Variants in IRX2 observed in about 807,000 individuals in gnomAD.
The protein encoded by IRX2 is iroquois homeobox 2.
Under a neutral mutation model 42.9 loss-of-function variants are expected in IRX2, and 26 were observed. The observed-to-expected ratio is 0.61, with a 90% CI of 0.44 to 0.84. The LOEUF is 0.84. Ranked by LOEUF, IRX2 falls within the 40% of genes least tolerant of loss-of-function variation. IRX2 has a pLI of 0.00. For synonymous variants in IRX2, 424 were observed against 353.9 expected, an observed-to-expected ratio of 1.20 and a Z score of -2.22; for missense variants, 782 against 713.9, an observed-to-expected ratio of 1.10 and a Z score of -1.09.
At chr5:2,743,517 C>T (rs1425300562), downstream of IRX2, among the ~76,000 whole-genome samples, 1 of 152,072 alleles carries the variant, frequency 6.6e-6, no homozygotes, top group East Asian at 1.9e-4. Flanking sequence ...GCGGATCCAC[C>T]ACGCGGGCGC....
intron 1 of IRX2, among the ~76,000 whole-genome samples, chr5:2,750,634 C>T (rs1425649514): frequency 6.6e-6 from 1 of 152,216 alleles, no homozygotes; most frequent in Admixed American, 6.5e-5. Flanking sequence ...GAAACCTGGG[C>T]GCCTCGGGCC....
chr5:2,748,892 C>CTCCTCGTCGTCG lies in IRX2; in HGVS notation c.804_815dup (p.Asp268_Glu271dup), dbSNP rs759898376. ...TGGGCGGCGCCAGGCCCCGCTCGCCCTCCTCGTCGTCGTCCTCGTCGTCCT... is the reference window on the plus strand; with the variant it reads ...TGGGCGGCGCCAGGCCCCGCTCGCCCTCCTCGTCGTCGTCCTCGTCGTCGTCCTCGTCGTCCT... On this transcript the variant is annotated inframe_insertion, in exon 3 of 4. Transcript: ENST00000302057. The CTCCTCGTCGTCG allele has an allele frequency of 5.6e-6, 9 of 1,595,826 alleles. No homozygotes were observed. In the South Asian group the frequency reaches 8.8e-5, roughly 16 times the overall value.
chr5:2,749,119 C>T (rs1026490659), intron 2 of IRX2, 67 bp from the exon 3 acceptor site: 19 of 1,550,976 alleles, frequency 1.2e-5, no homozygotes, highest in Admixed American at 5.7e-5. Context: ...CCCCTCCGCC[C>T]CCTGTCCTGC....
chr5:2,748,889 G>T lies in IRX2; in HGVS notation c.819C>A (p.Gly273=), dbSNP rs772873470. 3 of 1,595,316 alleles carry T rather than the reference G, an allele frequency of 1.9e-6. No homozygotes were observed. In the South Asian group the frequency reaches 3.3e-5, roughly 18 times the overall value. Residue 273 remains glycine (G), a synonymous_variant, in exon 3 of 4, where the codon GGC becomes GGA. Transcript: ENST00000302057. ...LEDDEDDDEE[G]ERGLAPPKPV... ...GCTTGGGCGGCGCCAGGCCCCGCTC[G>T]CCCTCCTCGTCGTCGTCCTCGTCGT...
chr5:2,748,166 A>AG (rs1371044834), intron 3 of IRX2, among the ~76,000 whole-genome samples, 179 bp downstream of exon 3: 2 of 152,232 alleles, frequency 1.3e-5, no homozygotes, highest in Non-Finnish European at 2.9e-5. Flanking sequence ...GTCTAAAAAG[A>AG]GGGCCACACC....
chr5:2,743,430 C>A (rs933052699), downstream of IRX2, among the ~76,000 whole-genome samples: 3 of 151,742 alleles, frequency 2.0e-5, no homozygotes, highest in Admixed American at 2.0e-4. Flanking sequence ...CCCCCGGGGC[C>A]CACCTGAGAT....
rs1207308633 is a variant in IRX2 at position 2,751,328 on chromosome 5, G to A, written c.86C>T (p.Ala29Val). Residue 29 changes from alanine (A) to valine (V), a missense_variant, in exon 1 of 4, where the codon GCG (alanine) becomes GTG (valine). Physicochemically the swap from Ala to Val is moderately conservative, Grantham distance 64 (BLOSUM62 0). Transcript: ENST00000302057. The surrounding 1 kb of genome is among the most constrained non-coding windows in gnomAD (Gnocchi z 4.0). ...CGCCAGCTCCTCGCTGCGCGGAGCC[G>A]CCAAAGCCGACGCGCCGTAGGCCGG... ...SCPAYGASAL[A>V]APRSEELARS... 2.1e-6 allele frequency: 3 copies of A among 1,438,514 alleles called. No homozygotes were observed. The highest frequency in any genetic ancestry group is 2.6e-5 in the South Asian group (2 of 75,668). 89.1% of individuals were successfully genotyped at this position (1,438,514 alleles called of 1,614,324 possible). A position where few individuals can be genotyped will look rare whatever the true frequency, so the allele number is the denominator to read the frequency against.
downstream of IRX2, among the ~76,000 whole-genome samples, chr5:2,745,412 T>C (rs756437122): frequency 3.9e-5 from 6 of 152,222 alleles, no homozygotes; most frequent in Non-Finnish European, 8.8e-5. Flanking sequence ...CATATAATTT[T>C]GCTGAAAATT....
Position 2,748,799 on chromosome 5 carries a change from C to G in IRX2, c.909G>C (p.Ala303=). 2.8e-6 allele frequency: 4 copies of G among 1,428,192 alleles called. No homozygotes were observed. The highest frequency in any genetic ancestry group is 3.6e-6 in the Non-Finnish European group (4 of 1,104,434). 88.5% of individuals were successfully genotyped at this position (1,428,192 alleles called of 1,614,324 possible). A position where few individuals can be genotyped will look rare whatever the true frequency, so the allele number is the denominator to read the frequency against. The change falls in exon 3 of 4, where the codon GCG becomes GCC. Residue 303 remains alanine, a synonymous_variant. Transcript: ENST00000302057. ...GGGGCGTCTTGCGGCCACCGCGGGG[C>G]GCGGCCTCGGGCGGGGGGCTCAGCA... ...APLLSPPPEA[A]PRGGRKTPQG...
chr5:2,747,717 T>TTTGGG, intron 3 of IRX2, 101 bp from the exon 4 acceptor site: 2 of 1,209,918 alleles, frequency 1.7e-6, no homozygotes, highest in Non-Finnish European at 2.4e-6. Flanking sequence ...CAAACAGCAG[T>TTTGGG]TTGGGAAACC....
At chr5:2,747,934 C>T (rs1737736611) in intron 3 of IRX2, among the ~76,000 whole-genome samples, 1 of 152,084 alleles carries the variant, frequency 6.6e-6, no homozygotes, top group South Asian at 2.1e-4. Flanking sequence ...GACAAAACGC[C>T]TCTGAGAGTA....
At chr5:2,741,976 A>G (rs1050417087), downstream of IRX2, among the ~76,000 whole-genome samples, 1 of 152,204 alleles carries the variant, frequency 6.6e-6, no homozygotes, top group African/African-American at 2.4e-5. Context: ...TCTTCATTGT[A>G]TTAGCAATAC....
rs2111440962 is a variant in IRX2, at chr5:2,746,591, C to A, written c.*973G>T. ...CTATGCCAACAAATTCACATATGTCCAACAATAGTCTGTTCCAATTGTTAG... is the reference window on the plus strand; with the variant it reads ...CTATGCCAACAAATTCACATATGTCAAACAATAGTCTGTTCCAATTGTTAG... On this transcript the variant is annotated 3_prime_UTR_variant, in exon 4 of 4. Coordinates refer to ENST00000302057, the MANE Select transcript of IRX2 (RefSeq NM_033267.5). 1 of 152,658 alleles carries A rather than the reference C, an allele frequency of 6.6e-6. No individual in the cohort carries two copies. The highest frequency in any genetic ancestry group is 1.9e-4 in the East Asian group (1 of 5,184). 9.5% of individuals were successfully genotyped at this position (152,658 alleles called of 1,614,324 possible).
Position 2,747,380 on chromosome 5 carries a change from A to G in IRX2, c.*184T>C, listed in dbSNP as rs1737710495. The G allele has an allele frequency of 1.9e-6, 1 of 533,496 alleles. No individual in the cohort carries two copies. Among genetic ancestry groups the G allele is most frequent in the Non-Finnish European group, 3.4e-6 (1 of 295,724 alleles). 33.0% of individuals were successfully genotyped at this position (533,496 alleles called of 1,614,324 possible). A position where few individuals can be genotyped will look rare whatever the true frequency, so the allele number is the denominator to read the frequency against. On this transcript the variant is annotated 3_prime_UTR_variant, in exon 4 of 4. Coordinates refer to ENST00000302057, the MANE Select transcript of IRX2 (RefSeq NM_033267.5). ...AACTTGTGCCAAAAAGAGGGAATCT[A>G]TAAAACAGAAAATATAGTTTCCCCC...
At chr5:2,744,941 A>C (rs942740109), downstream of IRX2, among the ~76,000 whole-genome samples, 28 of 152,266 alleles carry the variant, frequency 1.8e-4, no homozygotes, top group African/African-American at 6.3e-4. Context: ...AGTATCTAAG[A>C]TTACTTTCAA....
At chr5:2,739,622 C>T in the IRX2 span, among the ~76,000 whole-genome samples, 1 of 152,212 alleles carries the variant, frequency 6.6e-6, no homozygotes, top group Non-Finnish European at 1.5e-5. Context: ...GGCCCTGAAC[C>T]CCCGCCGCCG....
At position 2,751,292 on chromosome 5, in the gene IRX2, G is replaced by C. The variant is rs1737964835; in HGVS notation, c.122C>G (p.Ser41Trp). 15 of 1,432,566 alleles carry C rather than the reference G, an allele frequency of 1.0e-5. No homozygotes were observed. Among genetic ancestry groups the C allele is most frequent in the Non-Finnish European group, 1.3e-5 (14 of 1,093,282 alleles). The allele number at this position is 1,432,566 out of a possible 1,614,324, so 88.7% of individuals were successfully genotyped here. ...PRSEELARSA[S>W]GSAFSPYPGS... ...CGGGTAGGGGCTGAACGCCGAGCCC[G>C]ACGCCGAGCGCGCCAGCTCCTCGCT... Residue 41 changes from serine to tryptophan, a missense_variant, in exon 1 of 4, where the codon TCG (serine) becomes TGG (tryptophan). By Grantham distance (177) the Ser-to-Trp change is radical. Transcript: ENST00000302057. The surrounding 1 kb of genome is among the most constrained non-coding windows in gnomAD (Gnocchi z 4.0).
At position 2,751,031 on chromosome 5, in the gene IRX2, G is replaced by A; in HGVS notation, c.249+134C>T. On this transcript the variant is annotated intron_variant, in intron 1 of 3. Coordinates refer to ENST00000302057, the MANE Select transcript of IRX2 (RefSeq NM_033267.5). The surrounding 1 kb of genome is among the most constrained non-coding windows in gnomAD (Gnocchi z 4.0). ...CTCAGCCTGCGGGGCGGCCAACCGA[G>A]CCGGCGACTCCTGAGTCGCCAGCCG... The A allele has an allele frequency of 1.9e-6, 2 of 1,057,106 alleles. No homozygotes were observed. The highest frequency in any genetic ancestry group is 2.4e-6 in the Non-Finnish European group (2 of 847,124). 65.5% of individuals were successfully genotyped at this position (1,057,106 alleles called of 1,614,324 possible). A position where few individuals can be genotyped will look rare whatever the true frequency, so the allele number is the denominator to read the frequency against.
chr5:2,751,202 T>C lies in IRX2; in HGVS notation c.212A>G (p.Asp71Gly). The C allele has an allele frequency of 7.9e-7, 1 of 1,273,298 alleles. No homozygotes were observed. Among genetic ancestry groups the C allele is most frequent in the African/African-American group, 1.6e-5 (1 of 62,378 alleles). 78.9% of individuals were successfully genotyped at this position (1,273,298 alleles called of 1,614,324 possible). A position where few individuals can be genotyped will look rare whatever the true frequency, so the allele number is the denominator to read the frequency against. The change falls in exon 1 of 4, where the codon GAC becomes GGC. Residue 71 changes from aspartate (D) to glycine (G), a missense_variant. Physicochemically the swap from Asp to Gly is moderately conservative, Grantham distance 94. Around this residue, in one of 3 missense-constraint regions of IRX2, gnomAD observed 256 missense variants for 250.0 expected, o/e 1.02. Transcript: ENST00000302057. The surrounding 1 kb of genome is among the most constrained non-coding windows in gnomAD (Gnocchi z 4.0). ...GAAGCCGGCGGCGGCGGCGGCGGCG[T>C]CGGCCGAGTACTGCAGCGGGCTCCC... is the stretch of plus-strand genomic sequence containing the variant. ...GFGSPLQYSA[D>G]AAAAAAGFPS...
Sources: allele counts gnomAD v4.1 joint callset (sites outside exome capture counted in the v4.1 genomes callset), GRCh38; gene constraint gnomAD v4.1.1; regional missense constraint gnomAD v4.1.1; non-coding constraint Gnocchi (gnomAD v3.1); transcripts MANE v1.5; gene names NCBI Gene and HGNC (gene_info 2026-07-23, HGNC 2026-07-21).